Variants in TOMM34 observed in about 807,000 individuals in gnomAD.
The protein encoded by TOMM34 is mitochondrial import receptor subunit TOM34.
In TOMM34, 24 loss-of-function variants were observed where a neutral mutation model predicts 37.4. The observed-to-expected ratio is 0.64, with a 90% CI of 0.46 to 0.90. TOMM34 has a LOEUF of 0.90. TOMM34 is among the 40% of genes least tolerant of loss of function. The pLI is 0.00. For synonymous variants in TOMM34, 154 were observed against 148.9 expected, an observed-to-expected ratio of 1.03 and a Z score of -0.25; for missense variants, 304 against 375.6, an observed-to-expected ratio of 0.81 and a Z score of 1.58.
In TOMM34 at chr20:44,955,625, A is replaced by ATTACCCAGTGACCCAGG; in HGVS notation, c.228-406_228-405insCCTGGGTCACTGGGTAA. 3 of 458,462 alleles carry ATTACCCAGTGACCCAGG rather than the reference A, an allele frequency of 6.5e-6. No individual in the cohort carries two copies. In the Admixed American group the frequency reaches 7.0e-5, roughly 11 times the overall value. 28.4% of individuals were successfully genotyped at this position (458,462 alleles called of 1,614,324 possible). A position where few individuals can be genotyped will look rare whatever the true frequency, so the allele number is the denominator to read the frequency against. On this transcript the variant is annotated intron_variant, in intron 2 of 6. Coordinates refer to ENST00000372813, the MANE Select transcript of TOMM34 (RefSeq NM_006809.5). ...GCTGCTAACTATGTGACCCAGGTAA[A>ATTACCCAGTGACCCAGG]TCACTTTACTGCCCCAACCCTCAGC...
intron 3 of TOMM34, among the ~76,000 whole-genome samples, chr20:44,954,026 A>T (rs950078595): frequency 1.3e-5 from 2 of 152,114 alleles, no homozygotes; most frequent in Non-Finnish European, 2.9e-5. Flanking sequence ...TGTGAAACCG[A>T]CTTCTTACAA....
intron 5 of TOMM34, among the ~76,000 whole-genome samples, chr20:44,945,863 CT>C (rs748536596): frequency 7.5e-4 from 110 of 146,264 alleles, no homozygotes; most frequent in South Asian, 1.1e-3. Flanking sequence ...AGAAGAATTC[CT>C]TTTTTTTTTT....
intron 4 of TOMM34, among the ~76,000 whole-genome samples, chr20:44,949,715 A>G (rs1405876207): frequency 2.0e-5 from 3 of 152,216 alleles, no homozygotes; most frequent in Admixed American, 1.3e-4. Flanking sequence ...GAAAAAGAAC[A>G]TAACTAGGAC....
At chr20:44,955,312 C>T (rs2067062156) in intron 2 of TOMM34, 92 bp from the exon 3 acceptor site, 3 of 1,505,298 alleles carry the variant, frequency 2.0e-6, no homozygotes, top group Non-Finnish European at 2.7e-6. Context: ...CTGGAGCACT[C>T]AGCGTACAGG....
intron 2 of TOMM34, among the ~76,000 whole-genome samples, chr20:44,956,068 G>A (rs2067069812): frequency 6.6e-6 from 1 of 152,020 alleles, no homozygotes; most frequent in Non-Finnish European, 1.5e-5. Flanking sequence ...AAAAGCACCT[G>A]GGCAAGCCAG....
chr20:44,955,252 G>A lies in TOMM34; in HGVS notation c.228-32C>T, dbSNP rs370859619. The A allele has an allele frequency of 3.4e-5, 55 of 1,608,138 alleles. No homozygotes were observed. The Admixed American group carries it at 9.1e-4, about 27-fold the overall frequency. ...TAGGAGGCAAAAATGTCAACTGGCTGGCTGCTGAGCCACCAGGGTTTCCCT... is the reference window on the plus strand; with the variant it reads ...TAGGAGGCAAAAATGTCAACTGGCTAGCTGCTGAGCCACCAGGGTTTCCCT... On this transcript the variant is annotated intron_variant, in intron 2 of 6. Transcript: ENST00000372813.
chr20:44,954,421 A>G lies in TOMM34; in HGVS notation c.380+647T>C, dbSNP rs564728134. Among the ~76,000 whole-genome samples, 20 of 152,386 alleles carry G rather than the reference A, an allele frequency of 1.3e-4. 1 individual carries two copies. Among genetic ancestry groups the G allele is most frequent in the African/African-American group, 4.8e-4 (20 of 41,594 alleles). On this transcript the variant is annotated intron_variant, in intron 3 of 6. Coordinates refer to ENST00000372813, the MANE Select transcript of TOMM34 (RefSeq NM_006809.5). ...CAAAGAGAAAACAAAGAATGCTGGC[A>G]GACAAGTCAAGCCAGAAATAAAGCA... is the stretch of plus-strand genomic sequence containing the variant.
chr20:44,948,983 C>T (rs2067004189), intron 4 of TOMM34, 106 bp from the exon 5 acceptor site: 2 of 1,370,958 alleles, frequency 1.5e-6, no homozygotes, highest in African/African-American at 1.4e-5. Context: ...AATCCTCTCT[C>T]CCAGAGATTT....
At chr20:44,956,603 A>C (rs2067075463) in intron 1 of TOMM34, 118 bp from the exon 2 acceptor site, 1 of 918,334 alleles carries the variant, frequency 1.1e-6, no homozygotes, top group African/African-American at 1.6e-5. Flanking sequence ...AGATAACTAT[A>C]ACCTGTTCAG....
At chr20:44,957,341 C>T (rs1043357721) in intron 1 of TOMM34, among the ~76,000 whole-genome samples, 4 of 152,226 alleles carry the variant, frequency 2.6e-5, no homozygotes, top group Non-Finnish European at 4.4e-5. Context: ...TACAGGCACT[C>T]GCCACCACGC....
At chr20:44,951,647 A>G (rs2067027213) in intron 4 of TOMM34, among the ~76,000 whole-genome samples, 186 bp downstream of exon 4, 1 of 152,228 alleles carries the variant, frequency 6.6e-6, no homozygotes, top group African/African-American at 2.4e-5. Context: ...GGAAGACTTT[A>G]TCATCACCCT....
rs1394288284 is a variant in TOMM34, at chr20:44,943,526, G to T, written c.752C>A (p.Thr251Lys). The T allele has an allele frequency of 2.5e-6, 4 of 1,614,026 alleles. No individual in the cohort carries two copies. The African/African-American group carries it at 5.3e-5, about 22-fold the overall frequency. The change falls in exon 6 of 7, where the codon ACA (threonine) becomes AAA (lysine). Residue 251 changes from threonine to lysine, a missense_variant. Thr to Lys is a moderately conservative substitution (Grantham distance 78). Transcript: ENST00000372813. ...KQYTEAVKDCTEALKLDGKNV... is the reference protein window; with the variant it reads ...KQYTEAVKDCKEALKLDGKNV... ...CTTTCCATCCAGCTTGAGGGCTTCT[G>T]TGCAGTCCTTCACTGCTTCTGTGTA...
intron 4 of TOMM34, among the ~76,000 whole-genome samples, chr20:44,951,008 C>T (rs2067021491): frequency 6.6e-6 from 1 of 152,196 alleles, no homozygotes; most frequent in Non-Finnish European, 1.5e-5. Context: ...CAGGGATTCA[C>T]ACAGTGTACA....
At chr20:44,952,596 A>G in intron 3 of TOMM34, 1 of 717,448 alleles carries the variant, frequency 1.4e-6, no homozygotes, top group South Asian at 1.5e-5. Flanking sequence ...CATTTTGGAA[A>G]AAGATTGCCA....
intron 1 of TOMM34, among the ~76,000 whole-genome samples, chr20:44,956,899 A>G (rs1601150498): frequency 1.4e-5 from 2 of 140,310 alleles, no homozygotes; most frequent in South Asian, 2.6e-4. Flanking sequence ...AAAGAAAGGG[A>G]GGGAGGGAGG....
chr20:44,960,354 T>C lies in TOMM34; in HGVS notation c.-21A>G, dbSNP rs577351004. 3.9e-6 allele frequency: 6 copies of C among 1,545,752 alleles called. No individual in the cohort carries two copies. The highest frequency in any genetic ancestry group is 2.5e-5 in the East Asian group (1 of 39,876). On this transcript the variant is annotated 5_prime_UTR_variant, in exon 1 of 7. Transcript: ENST00000372813. ...GCCATCCCGTGGCCAGGCCGGCGAG[T>C]TGGGAGCTCCTTCCTTCCTCCCCCG...
intron 1 of TOMM34, among the ~76,000 whole-genome samples, chr20:44,959,740 C>T (rs2067108890): frequency 6.6e-6 from 1 of 152,276 alleles, no homozygotes; most frequent in African/African-American, 2.4e-5. Context: ...ATCTCCCACT[C>T]CAGTCAACTC....
At chr20:44,959,808 A>T in intron 1 of TOMM34, 2 of 455,970 alleles carry the variant, frequency 4.4e-6, no homozygotes, top group Non-Finnish European at 5.8e-6. Context: ...GGTCTCGTTT[A>T]CTTACTGACT....
intron 1 of TOMM34, among the ~76,000 whole-genome samples, chr20:44,959,199 A>C (rs906907079): frequency 1.3e-5 from 2 of 152,176 alleles, no homozygotes. Flanking sequence ...GATGCTAGCC[A>C]AGAAAAGGAA....
Sources: gnomAD v4.1 joint callset for allele counts (sites outside exome capture counted in the v4.1 genomes callset) on GRCh38, gnomAD v4.1.1 for gene constraint, MANE v1.5 for transcripts, NCBI Gene and HGNC (gene_info 2026-07-23, HGNC 2026-07-21) for gene names.